Variants in CCDC12 observed in about 807,000 individuals in gnomAD.
CCDC12 encodes coiled-coil domain-containing protein 12.
In CCDC12, 28 loss-of-function variants were observed where a neutral mutation model predicts 25.7. That is an observed-to-expected ratio of 1.09 (90% CI 0.81 to 1.50). The LOEUF (loss-of-function observed/expected upper bound fraction) is 1.50, where lower values mean the gene tolerates loss of function less well. Ranked by LOEUF, CCDC12 falls within the 40% of genes most tolerant of loss-of-function variation. CCDC12 has a pLI of 0.00. For missense variants in CCDC12, 198 were observed against 210.0 expected (o/e 0.94, Z 0.35); for synonymous variants, 75 against 87.7 (o/e 0.86, Z 0.81).
intron 2 of CCDC12, among the ~76,000 whole-genome samples, chr3:46,933,927 T>A (rs912652513): frequency 7.8e-4 from 6 of 7,658 alleles, no homozygotes; most frequent in African/African-American, 8.1e-4. Context: ...CAATTGAAAA[T>A]TTTTTTTTTT....
intron 3 of CCDC12, chr3:46,925,100 G>A: frequency 2.4e-6 from 1 of 417,440 alleles, no homozygotes; most frequent in South Asian, 1.9e-5. Context: ...GGGCCCACAG[G>A]ACCCATCACC....
chr3:46,931,686 C>T (rs2033222745), intron 2 of CCDC12, among the ~76,000 whole-genome samples: 1 of 152,210 alleles, frequency 6.6e-6, no homozygotes, highest in Admixed American at 6.5e-5. Flanking sequence ...CTCCACCTGG[C>T]CACCCTGGTC....
At chr3:46,949,021 G>A (rs1018068682) in intron 1 of CCDC12, among the ~76,000 whole-genome samples, 1 of 152,232 alleles carries the variant, frequency 6.6e-6, no homozygotes, top group African/African-American at 2.4e-5. Context: ...CAGGGCAGGG[G>A]TTCTTATCCT....
At position 46,921,836 on chromosome 3, in the gene CCDC12, G is replaced by A; in HGVS notation, c.*221C>T. The A allele has an allele frequency of 1.7e-6, 1 of 595,266 alleles. No homozygotes were observed. The highest frequency in any genetic ancestry group is 3.0e-6 in the Non-Finnish European group (1 of 333,592). The allele number at this position is 595,266 out of a possible 1,614,324, so 36.9% of individuals were successfully genotyped here. On this transcript the variant is annotated 3_prime_UTR_variant, in exon 7 of 7. Transcript: ENST00000683445. ...TGTACATCCACATGTGCAGACACAG[G>A]CACGCCCAGAGTTGTTGCTGGTTCT... is the stretch of plus-strand genomic sequence containing the variant.
At chr3:46,934,377 G>A (rs1175063762) in intron 2 of CCDC12, among the ~76,000 whole-genome samples, 3 of 152,240 alleles carry the variant, frequency 2.0e-5, no homozygotes, top group Non-Finnish European at 2.9e-5. Flanking sequence ...CCCACACAGG[G>A]AGGGGTCTCA....
At chr3:46,957,060 AC>A (rs2034312569) in intron 1 of CCDC12, among the ~76,000 whole-genome samples, 1 of 152,012 alleles carries the variant, frequency 6.6e-6, no homozygotes, top group Admixed American at 6.6e-5. Flanking sequence ...GGGGAGGAAG[AC>A]CCTGCCCCTT....
chr3:46,947,576 T>C (rs2033956162), intron 1 of CCDC12, among the ~76,000 whole-genome samples: 2 of 152,236 alleles, frequency 1.3e-5, no homozygotes. Flanking sequence ...GGAGAGACTC[T>C]GCTTCTCCTG....
rs182230361 is a variant in CCDC12 at position 46,952,425 on chromosome 3, G to A, written c.97-11360C>T. On this transcript the variant is annotated intron_variant, in intron 1 of 6. Transcript: ENST00000683445. ...GAAATAAACAGAAGCCCAGCTCCCC[G>A]CTGCCACATCCTCAGTTCTTTCTAC... 3.7e-3 allele frequency among the ~76,000 whole-genome samples: 564 copies of A among 152,256 alleles called. 4 individuals are homozygous for A. Among genetic ancestry groups the A allele is most frequent in the African/African-American group, 0.013 (539 of 41,550 alleles).
At chr3:46,953,298 G>A (rs764489858) in intron 1 of CCDC12, among the ~76,000 whole-genome samples, 3 of 152,084 alleles carry the variant, frequency 2.0e-5, no homozygotes, top group Admixed American at 6.6e-5. Context: ...TTAAAATAGC[G>A]AGGCAGCACT....
At chr3:46,954,808 C>T (rs890728793) in intron 1 of CCDC12, among the ~76,000 whole-genome samples, 4 of 152,138 alleles carry the variant, frequency 2.6e-5, no homozygotes, top group Non-Finnish European at 5.9e-5. Flanking sequence ...CCTGTAGTCC[C>T]AGCTACTCAG....
intron 1 of CCDC12, among the ~76,000 whole-genome samples, chr3:46,952,369 C>T (rs921930018): frequency 1.3e-5 from 2 of 152,216 alleles, no homozygotes. Flanking sequence ...ATACCTAATA[C>T]TCTTTCCATT....
chr3:46,927,509 C>G (rs2033013446), intron 2 of CCDC12, among the ~76,000 whole-genome samples: 1 of 152,140 alleles, frequency 6.6e-6, no homozygotes, highest in Non-Finnish European at 1.5e-5. Flanking sequence ...GCCTCCAGAC[C>G]CACCCACTGC....
chr3:46,954,424 C>A (rs902821529), intron 1 of CCDC12, among the ~76,000 whole-genome samples: 5 of 152,180 alleles, frequency 3.3e-5, no homozygotes, highest in Non-Finnish European at 5.9e-5. Flanking sequence ...TACCCTTTCG[C>A]CTCCCACACA....
At chr3:46,958,890 C>G (rs992638262) in intron 1 of CCDC12, among the ~76,000 whole-genome samples, 4 of 152,130 alleles carry the variant, frequency 2.6e-5, no homozygotes, top group African/African-American at 9.7e-5. Context: ...ATACCAGACC[C>G]CAGCATCAGG....
At chr3:46,930,165 A>G (rs2033150581) in intron 2 of CCDC12, among the ~76,000 whole-genome samples, 1 of 151,890 alleles carries the variant, frequency 6.6e-6, no homozygotes, top group Admixed American at 6.5e-5. Context: ...ATGAGCCACC[A>G]TGTCCAGCTC....
chr3:46,925,638 C>G, intron 2 of CCDC12, 103 bp from the exon 3 acceptor site: 1 of 978,020 alleles, frequency 1.0e-6, no homozygotes, highest in Non-Finnish European at 1.5e-6. Flanking sequence ...TGAATTTCCT[C>G]TGCACTCTCT....
At position 46,941,013 on chromosome 3, in the gene CCDC12, T is replaced by C. The variant is rs146144253; in HGVS notation, c.149A>G (p.Glu50Gly). 6.5e-4 allele frequency: 1,045 copies of C among 1,614,186 alleles called. 2 individuals carry two copies. The highest frequency in any genetic ancestry group is 7.8e-4 in the Non-Finnish European group (926 of 1,180,034). Reference sequence around the variant, plus strand: ...CGGGCATTACCTGTGCTTCTCGCCTTCTTCCTCCTCTTCTCTGAGATGCTT... The same window carrying C: ...CGGGCATTACCTGTGCTTCTCGCCTCCTTCCTCCTCTTCTCTGAGATGCTT... ...KTKHLREEEEEGEKHRELRLR... is the reference protein window; with the variant it reads ...KTKHLREEEEGGEKHRELRLR... Residue 50 changes from glutamate (E) to glycine (G), a missense_variant, in exon 2 of 7, where the codon GAA becomes GGA. Coordinates refer to ENST00000683445, the MANE Select transcript of CCDC12 (RefSeq NM_001277074.2).
chr3:46,934,733 C>T (rs1459951040), intron 2 of CCDC12, among the ~76,000 whole-genome samples: 2 of 152,206 alleles, frequency 1.3e-5, no homozygotes, highest in African/African-American at 4.8e-5. Context: ...TCCCAAGAAA[C>T]AGGGTCAGGA....
chr3:46,933,657 A>G (rs1283373332), intron 2 of CCDC12, among the ~76,000 whole-genome samples: 2 of 152,242 alleles, frequency 1.3e-5, no homozygotes, highest in East Asian at 3.8e-4. Context: ...CTGAAAGCCC[A>G]TAGCTAGTGG....
Sources: gnomAD v4.1 joint callset for allele counts (sites outside exome capture counted in the v4.1 genomes callset) on GRCh38, gnomAD v4.1.1 for gene constraint, MANE v1.5 for transcripts, NCBI Gene and HGNC (gene_info 2026-07-23, HGNC 2026-07-21) for gene names.